The following TMCO6 variants were observed in gnomAD, a reference collection of about 807,000 sequenced individuals.
The protein encoded by TMCO6 is transmembrane and coiled-coil domains 6, also known as transmembrane and coiled-coil domain-containing protein 6.
TMCO6 carries 47 observed loss-of-function variants against 61.8 expected under a neutral mutation model. The observed-to-expected ratio is 0.76, with a 90% CI of 0.60 to 0.97. The LOEUF is 0.97. Among genes scored for constraint, TMCO6 ranks in the 50% least tolerant of loss-of-function variants. The pLI, the probability that TMCO6 is intolerant of heterozygous loss-of-function variation, is 0.00. For synonymous variants in TMCO6, 261 were observed against 254.2 expected (o/e 1.03, Z -0.25); for missense variants, 557 against 601.6 (o/e 0.93, Z 0.78).
chr5:140,633,426 G>C, the TMCO6 span: 2 of 457,854 alleles, frequency 4.4e-6, no homozygotes, highest in Non-Finnish European at 8.1e-6. Context: ...ATGCCCTGTT[G>C]ACTCGGGAGC....
the TMCO6 span, among the ~76,000 whole-genome samples, chr5:140,629,013 A>C: frequency 6.6e-6 from 1 of 152,318 alleles, no homozygotes; most frequent in South Asian, 2.1e-4. Context: ...TTATGCCTGT[A>C]ATCCCAGCAC....
chr5:140,625,013 C>T, the TMCO6 span, among the ~76,000 whole-genome samples: 1 of 151,938 alleles, frequency 6.6e-6, no homozygotes, highest in African/African-American at 2.4e-5. Flanking sequence ...GGCACCGCGC[C>T]TGGCTAATTT....
At chr5:140,644,439 T>C (rs2149798154) in intron 10 of TMCO6, 134 bp from the exon 11 acceptor site, 4 of 1,080,846 alleles carry the variant, frequency 3.7e-6, no homozygotes. Flanking sequence ...AGGGTAGTTG[T>C]AGGAGTATGA....
chr5:140,602,581 T>C, the TMCO6 span, among the ~76,000 whole-genome samples: 2 of 150,820 alleles, frequency 1.3e-5, no homozygotes, highest in South Asian at 2.1e-4. Context: ...CTAACCAACA[T>C]AGCCAAACCC....
chr5:140,634,482 C>CTTTTT (rs1221427030), upstream of TMCO6, among the ~76,000 whole-genome samples: 2 of 110,886 alleles, frequency 1.8e-5, no homozygotes, highest in Non-Finnish European at 3.6e-5. Context: ...ATATGAAAGT[C>CTTTTT]TTTTTTTTTT....
chr5:140,612,698 T>A, the TMCO6 span, among the ~76,000 whole-genome samples: 1 of 152,182 alleles, frequency 6.6e-6, no homozygotes. Flanking sequence ...CCGACCTTGG[T>A]TGAATGAATC....
At chr5:140,632,359 C>T in the TMCO6 span, 1 of 1,614,128 alleles carries the variant, frequency 6.2e-7, no homozygotes, top group Non-Finnish European at 8.5e-7. The surrounding 1 kb of genome is among the most constrained non-coding windows in gnomAD (Gnocchi z 6.2). Flanking sequence ...AGTCCGCGTT[C>T]GCCCAGTCCA....
chr5:140,627,607 A>T, the TMCO6 span, among the ~76,000 whole-genome samples: 2 of 152,216 alleles, frequency 1.3e-5, no homozygotes, highest in Non-Finnish European at 2.9e-5. Flanking sequence ...TTTTTCTTTA[A>T]GCCAATTAAT....
At chr5:140,632,122 G>A in the TMCO6 span, 2 of 1,614,090 alleles carry the variant, frequency 1.2e-6, no homozygotes, top group Non-Finnish European at 1.7e-6. The surrounding 1 kb of genome is among the most constrained non-coding windows in gnomAD (Gnocchi z 6.2). Flanking sequence ...ACCTGTTCCA[G>A]CCCAGCGAAC....
At chr5:140,604,165 G>A in the TMCO6 span, among the ~76,000 whole-genome samples, 1 of 152,168 alleles carries the variant, frequency 6.6e-6, no homozygotes, top group Non-Finnish European at 1.5e-5. Context: ...AGCCATTCAA[G>A]TTGCTTGCCT....
the TMCO6 span, among the ~76,000 whole-genome samples, chr5:140,603,653 G>A: frequency 6.8e-6 from 1 of 147,682 alleles, no homozygotes; most frequent in Non-Finnish European, 1.5e-5. Flanking sequence ...GTTCATCCAA[G>A]TTGTGGCATG....
At chr5:140,641,459 G>A (rs931909464) in intron 2 of TMCO6, 3 of 575,368 alleles carry the variant, frequency 5.2e-6, no homozygotes, top group Non-Finnish European at 9.5e-6. Flanking sequence ...GGTCCCATAT[G>A]GAGTAAGTGG....
At chr5:140,644,412 G>C (rs1464013570) in intron 10 of TMCO6, among the ~76,000 whole-genome samples, 161 bp from the exon 11 acceptor site, 1 of 152,208 alleles carries the variant, frequency 6.6e-6, no homozygotes, top group African/African-American at 2.4e-5. Flanking sequence ...TTATAACTGA[G>C]GATAATCTTG....
the TMCO6 span, chr5:140,631,987 C>T: frequency 2.4e-5 from 39 of 1,613,874 alleles, no homozygotes; most frequent in Middle Eastern, 3.3e-4. Flanking sequence ...GTTCCAGGGA[C>T]CAGGAAGGGA....
At chr5:140,605,670 ACT>A in the TMCO6 span, among the ~76,000 whole-genome samples, 1 of 150,030 alleles carries the variant, frequency 6.7e-6, no homozygotes, top group African/African-American at 2.5e-5. Context: ...ACAGAGCGAG[ACT>A]CTGTCTCAAA....
chr5:140,642,353 G>C lies in TMCO6; in HGVS notation c.537G>C (p.Glu179Asp), dbSNP rs755195789. The change falls in exon 5 of 12, where the codon GAG becomes GAC. Residue 179 changes from glutamate (E) to aspartate (D), a missense_variant. Transcript: ENST00000394671. ...ATACACTGGGTAACCTGATCGTGGA[G>C]AGTGAGGCTGTGAGAAGGCAGCTCC... ...CLYTLGNLIV[E>D]SEAVRRQLLP... 3.1e-6 allele frequency: 5 copies of C among 1,613,786 alleles called. No homozygotes were observed. In the African/African-American group the frequency reaches 5.3e-5, roughly 17 times the overall value.
chr5:140,643,377 A>G (rs1757167592), intron 7 of TMCO6, 187 bp from the exon 8 acceptor site: 1 of 651,068 alleles, frequency 1.5e-6, no homozygotes, highest in African/African-American at 1.8e-5. Context: ...TTGTATTTCT[A>G]ATAGAGACGG....
Position 140,643,608 on chromosome 5 carries a change from C to T in TMCO6, c.851C>T (p.Thr284Ile). 6.2e-7 allele frequency: 1 copy of T among 1,614,128 alleles called. No individual in the cohort carries two copies. The highest frequency in any genetic ancestry group is 8.5e-7 in the Non-Finnish European group (1 of 1,180,022). ...PLLIGHGALS[T>I]LGLLLLDLAG... ...CTCATTGGCCATGGGGCTCTGTCTA[C>T]TCTGGGGTTGCTGCTGTTGGACTTG... The change falls in exon 8 of 12, where the codon ACT becomes ATT. Residue 284 changes from threonine (T) to isoleucine (I), a missense_variant. Physicochemically the swap from Thr to Ile is moderately conservative, Grantham distance 89. Coordinates refer to ENST00000394671, the MANE Select transcript of TMCO6 (RefSeq NM_018502.5).
downstream of TMCO6, among the ~76,000 whole-genome samples, chr5:140,645,888 T>A (rs1757365206): frequency 3.9e-5 from 6 of 152,198 alleles, no homozygotes; most frequent in Admixed American, 3.9e-4. Context: ...TTTGGCTGAT[T>A]CTGGATGGCC....
Sources: allele counts gnomAD v4.1 joint callset (sites outside exome capture counted in the v4.1 genomes callset), GRCh38; gene constraint gnomAD v4.1.1; non-coding constraint Gnocchi (gnomAD v3.1); transcripts MANE v1.5; gene names NCBI Gene and HGNC (gene_info 2026-07-23, HGNC 2026-07-21).